The following CUBN variants were observed in gnomAD, a reference collection of about 807,000 sequenced individuals.
CUBN encodes the protein 460 kDa receptor.
In CUBN, 282 loss-of-function variants were observed where a neutral mutation model predicts 405.3. That is an observed-to-expected ratio of 0.70 (90% CI 0.63 to 0.77). The LOEUF is 0.77. Ranked by LOEUF, CUBN falls within the 30% of genes least tolerant of loss-of-function variation. The pLI, the probability that CUBN is intolerant of heterozygous loss-of-function variation, is 0.00. For synonymous variants in CUBN, 1,684 were observed against 1,617.0 expected (o/e 1.04, Z -0.99); for missense variants, 4,514 against 4,475.2 (o/e 1.01, Z -0.25).
intron 31 of CUBN, among the ~76,000 whole-genome samples, chr10:16,956,235 A>G (rs10904852): frequency 0.26 from 39,232 of 151,980 alleles, 5,667 homozygotes; most frequent in Non-Finnish European, 0.33. Flanking sequence ...CTGAGGAGCT[A>G]AAGCTCTTAC....
chr10:16,829,138 G>A lies in CUBN; in HGVS notation c.10529-98C>T, dbSNP rs1838888240. ...AGACTTTATTTTCTTAAGGTGCTGA[G>A]ACTCTGCAAGAATAATGGAGGCAGA... On this transcript the variant is annotated intron_variant, in intron 65 of 66. Coordinates refer to ENST00000377833, the MANE Select transcript of CUBN (RefSeq NM_001081.4). 19 of 841,514 alleles carry A rather than the reference G, an allele frequency of 2.3e-5. No homozygotes were observed. The South Asian group carries it at 2.7e-4, about 12-fold the overall frequency. 52.1% of individuals were successfully genotyped at this position (841,514 alleles called of 1,614,324 possible).
chr10:17,062,571 T>C (rs1454363185), intron 22 of CUBN, among the ~76,000 whole-genome samples: 1 of 152,210 alleles, frequency 6.6e-6, no homozygotes, highest in Non-Finnish European at 1.5e-5. Flanking sequence ...TTCTTTCTGT[T>C]TTCCCAGGCA....
At chr10:16,911,774 A>AAT (rs1272325111) in intron 48 of CUBN, among the ~76,000 whole-genome samples, 1 of 152,242 alleles carries the variant, frequency 6.6e-6, no homozygotes, top group Non-Finnish European at 1.5e-5. Context: ...AAATTTTAGT[A>AAT]ATACATGAGT....
chr10:16,866,105 A>C (rs927628385), intron 59 of CUBN, among the ~76,000 whole-genome samples: 2 of 151,524 alleles, frequency 1.3e-5, no homozygotes, highest in African/African-American at 4.9e-5. Flanking sequence ...ATGCCTGCAG[A>C]CCTCCCATCT....
chr10:16,931,695 G>A (rs920416048), intron 40 of CUBN, among the ~76,000 whole-genome samples: 3 of 152,152 alleles, frequency 2.0e-5, no homozygotes, highest in Admixed American at 6.6e-5. Context: ...GCCTGTGAGG[G>A]AGGTATTTGT....
intron 3 of CUBN, 68 bp downstream of exon 3, chr10:17,127,761 A>G (rs535497772): frequency 6.0e-6 from 7 of 1,169,316 alleles, no homozygotes; most frequent in Admixed American, 1.9e-5. Context: ...ATCCCCTACA[A>G]AACGGTTACT....
At chr10:16,878,080 G>GAATTCGAGGCCAGCCTGGGC (rs993890754) in intron 56 of CUBN, among the ~76,000 whole-genome samples, 1 of 152,214 alleles carries the variant, frequency 6.6e-6, no homozygotes, top group African/African-American at 2.4e-5. Flanking sequence ...CTGAGTTCAG[G>GAATTCGAGGCCAGCCTGGGC]AATTCGAGGC....
At chr10:17,003,114 T>G (rs1441092787) in intron 28 of CUBN, among the ~76,000 whole-genome samples, 1 of 152,336 alleles carries the variant, frequency 6.6e-6, no homozygotes, top group African/African-American at 2.4e-5. Context: ...AAATATCTCT[T>G]AACTTAAACA....
Position 17,041,222 on chromosome 10 carries a change from T to C in CUBN, c.3830-2A>G. The C allele has an allele frequency of 6.2e-7, 1 of 1,612,438 alleles. No homozygotes were observed. The highest frequency in any genetic ancestry group is 8.5e-7 in the Non-Finnish European group (1 of 1,178,592). On this transcript the variant is annotated splice_acceptor_variant, in intron 26 of 66. Coordinates refer to ENST00000377833, the MANE Select transcript of CUBN (RefSeq NM_001081.4). LOFTEE classifies it high-confidence loss of function. ...TGACTATTACCACATTCTCACATGC[T>C]GGAAAAAGAAATGACTGTTAAGAAC... is the stretch of plus-strand genomic sequence containing the variant.
At chr10:17,015,593 T>G (rs1834305495) in intron 28 of CUBN, among the ~76,000 whole-genome samples, 1 of 152,170 alleles carries the variant, frequency 6.6e-6, no homozygotes, top group Admixed American at 6.5e-5. Context: ...GTCAATTTCC[T>G]GGCCCTCAAT....
At chr10:17,050,387 A>G (rs1264910767) in intron 22 of CUBN, among the ~76,000 whole-genome samples, 2 of 152,234 alleles carry the variant, frequency 1.3e-5, no homozygotes, top group East Asian at 3.9e-4. Flanking sequence ...TGACCACAGA[A>G]GGGAGCTGAA....
intron 27 of CUBN, among the ~76,000 whole-genome samples, chr10:17,024,222 G>A (rs1588592026): frequency 6.6e-6 from 1 of 152,170 alleles, no homozygotes; most frequent in South Asian, 2.1e-4. Flanking sequence ...ACCACGTGTG[G>A]TCAATCACTG....
At chr10:16,892,736 T>G (rs1588625815) in intron 54 of CUBN, among the ~76,000 whole-genome samples, 1 of 152,070 alleles carries the variant, frequency 6.6e-6, no homozygotes, top group Admixed American at 6.6e-5. Flanking sequence ...TCAACTGATC[T>G]GCCTGTCTTG....
chr10:16,942,710 C>T (rs1842682247), intron 36 of CUBN, among the ~76,000 whole-genome samples: 1 of 151,256 alleles, frequency 6.6e-6, no homozygotes, highest in Non-Finnish European at 1.5e-5. Context: ...TATGAACCAG[C>T]AATTTCACTT....
chr10:16,877,077 T>C lies in CUBN; in HGVS notation c.8926A>G (p.Ser2976Gly). The stretch of plus-strand genomic sequence containing the variant: ...ATGTGCACGCCATCGTTGACACAGC[T>C]TCCCGTCACAGCGGAACGAGCTGGA... ...HLEARSAVTG[S>G]CVNDGVHIIR... Residue 2976 changes from serine (S) to glycine (G), a missense_variant, in exon 57 of 67, where the codon AGC becomes GGC. Physicochemically the swap from Ser to Gly is moderately conservative, Grantham distance 56. Transcript: ENST00000377833. 6.2e-7 allele frequency: 1 copy of C among 1,613,922 alleles called. No homozygotes were observed. Among genetic ancestry groups the C allele is most frequent in the Non-Finnish European group, 8.5e-7 (1 of 1,179,944 alleles).
At chr10:16,887,994 T>C (rs563770628) in intron 56 of CUBN, among the ~76,000 whole-genome samples, 14 of 152,218 alleles carry the variant, frequency 9.2e-5, no homozygotes, top group African/African-American at 1.2e-4. Flanking sequence ...AAACATTGCA[T>C]GATCTCACTT....
intron 3 of CUBN, among the ~76,000 whole-genome samples, 198 bp from the exon 4 acceptor site, chr10:17,126,997 C>A (rs1194403750): frequency 6.6e-6 from 1 of 151,972 alleles, no homozygotes; most frequent in Non-Finnish European, 1.5e-5. Context: ...ACATAGATTT[C>A]TGGGGTTTTT....
At chr10:16,832,280 T>C (rs963351487) in intron 64 of CUBN, among the ~76,000 whole-genome samples, 5 of 152,208 alleles carry the variant, frequency 3.3e-5, no homozygotes, top group Non-Finnish European at 7.3e-5. Flanking sequence ...TTTACTGATC[T>C]ATGTATTCAA....
At chr10:16,992,431 A>G (rs919033974) in intron 28 of CUBN, among the ~76,000 whole-genome samples, 1 of 152,242 alleles carries the variant, frequency 6.6e-6, no homozygotes, top group African/African-American at 2.4e-5. Flanking sequence ...TCCTCACTCC[A>G]TTATGAGTAA....
Sources: allele counts gnomAD v4.1 joint callset (sites outside exome capture counted in the v4.1 genomes callset), GRCh38; gene constraint gnomAD v4.1.1; transcripts MANE v1.5; gene names NCBI Gene and HGNC (gene_info 2026-07-23, HGNC 2026-07-21).